Variants in PTOV1 observed in about 807,000 individuals in gnomAD.
PTOV1 encodes prostate tumor-overexpressed gene 1 protein.
PTOV1 carries 20 observed loss-of-function variants against 58.0 expected under a neutral mutation model. The ratio of observed to expected loss-of-function variants is 0.34; its 90% CI spans 0.24 to 0.50. The LOEUF is 0.50. Ranked by LOEUF, PTOV1 falls within the 20% of genes least tolerant of loss-of-function variation. The probability of loss-of-function intolerance (pLI) is 0.98; values close to 1 mark genes in which losing one functional copy is unlikely to be tolerated. For synonymous variants in PTOV1, 335 were observed against 234.2 expected, an observed-to-expected ratio of 1.43 and a Z score of -3.93; for missense variants, 593 against 565.4, an observed-to-expected ratio of 1.05 and a Z score of -0.50.
At chr19:49,853,507 A>G (rs1176768131) in intron 1 of PTOV1, among the ~76,000 whole-genome samples, 1 of 151,930 alleles carries the variant, frequency 6.6e-6, no homozygotes, top group Non-Finnish European at 1.5e-5. Context: ...AAAAAAAAAA[A>G]AAAAAAAATT....
chr19:49,860,523 C>A, exon 12 of PTOV1: 1 of 632,212 alleles, frequency 1.6e-6, no homozygotes, highest in Non-Finnish European at 2.7e-6. Flanking sequence ...GGTATCCAGG[C>A]CTGGGTGGGG....
chr19:49,858,587 C>T (rs750970218), exon 10 of PTOV1: 169 of 1,606,270 alleles, frequency 1.1e-4, no homozygotes, highest in Admixed American at 4.1e-4. Flanking sequence ...CGCGCCTGGT[C>T]CAGTTCCACT....
At chr19:49,851,704 GT>G in intron 1 of PTOV1, 1 of 1,147,748 alleles carries the variant, frequency 8.7e-7, no homozygotes, top group Non-Finnish European at 1.1e-6. Context: ...TCGGGCCGGG[GT>G]GGGGGGTTGG....
chr19:49,850,971 C>T (rs1332255226), upstream of PTOV1: 5 of 1,535,446 alleles, frequency 3.3e-6, no homozygotes, highest in Admixed American at 2.0e-5. Flanking sequence ...GGCTCCCGTT[C>T]CCGCCACGCC....
At chr19:49,850,905 C>A, upstream of PTOV1, 1 of 1,535,932 alleles carries the variant, frequency 6.5e-7, no homozygotes, top group South Asian at 1.2e-5. Context: ...CGTCCCGACC[C>A]CCGCAAGGGG....
At chr19:49,857,532 T>G (rs2074529680) in intron 6 of PTOV1, 161 bp from the exon 7 acceptor site, 1 of 698,110 alleles carries the variant, frequency 1.4e-6, no homozygotes, top group South Asian at 1.8e-5. Context: ...TGGGGGGCTG[T>G]GAGCAGATGA....
chr19:49,850,902 AC>A, upstream of PTOV1: 1 of 1,534,426 alleles, frequency 6.5e-7, no homozygotes, highest in Non-Finnish European at 8.7e-7. Flanking sequence ...CGCCGTCCCG[AC>A]CCCCGCAAGG....
chr19:49,851,903 C>G, intron 1 of PTOV1: 1 of 984,278 alleles, frequency 1.0e-6, no homozygotes, highest in Non-Finnish European at 1.2e-6. Context: ...GGGGCCCGCG[C>G]TTTGTACCAG....
At chr19:49,852,028 C>T (rs1445971765) in intron 1 of PTOV1, 7 of 985,362 alleles carry the variant, frequency 7.1e-6, no homozygotes, top group East Asian at 1.1e-4. Flanking sequence ...GATGGACTGC[C>T]GTGAGCCCAG....
At chr19:49,856,055 A>G (rs955439684) in intron 5 of PTOV1, 10 of 152,228 alleles carry the variant, frequency 6.6e-5, no homozygotes, top group African/African-American at 1.7e-4. Context: ...GCTGCCGTTG[A>G]GCGCCCTGGG....
At chr19:49,856,670 C>A in intron 5 of PTOV1, 1 of 393,746 alleles carries the variant, frequency 2.5e-6, no homozygotes, top group Non-Finnish European at 4.7e-6. Context: ...CAAGTCACCC[C>A]ATCAGGCAGT....
intron 5 of PTOV1, among the ~76,000 whole-genome samples, chr19:49,855,857 G>C (rs1396534253): frequency 6.6e-6 from 1 of 152,120 alleles, no homozygotes; most frequent in East Asian, 1.9e-4. Context: ...CCCAGCTGGT[G>C]AGGCTGTTCA....
At position 49,860,210 on chromosome 19, in the gene PTOV1, T is replaced by C. The variant is rs753722343; in HGVS notation, c.1239+27T>C. On this transcript the variant is annotated intron_variant, in intron 11 of 11. Transcript: ENST00000391842. ...TGAGGTGGCCGGCCTCCAGGGCTGC[T>C]CAGTCTCCCTCCACCCCCGCTGCCT... 2.5e-6 allele frequency: 4 copies of C among 1,613,868 alleles called. No individual in the cohort carries two copies. The South Asian group carries it at 4.4e-5, about 18-fold the overall frequency.
upstream of PTOV1, chr19:49,850,805 G>T (rs2074210208): frequency 6.6e-7 from 1 of 1,505,662 alleles, no homozygotes; most frequent in African/African-American, 1.4e-5. Flanking sequence ...TTGTCCCCAG[G>T]CCCATTATTC....
At chr19:49,860,143 T>C (rs1408178177) in exon 11 of PTOV1, 3 of 1,614,144 alleles carry the variant, frequency 1.9e-6, no homozygotes, top group Non-Finnish European at 2.5e-6. Context: ...CAGCAGCAGG[T>C]CCTGCAGCGG....
At chr19:49,851,053 C>T, upstream of PTOV1, 1 of 1,500,440 alleles carries the variant, frequency 6.7e-7, no homozygotes, top group Non-Finnish European at 8.9e-7. Flanking sequence ...CCGCCGAGCC[C>T]ACACTCCGCT....
chr19:49,856,918 T>C (rs907406431), intron 5 of PTOV1, 57 bp from the exon 6 acceptor site: 117 of 1,599,370 alleles, frequency 7.3e-5, no homozygotes, highest in Non-Finnish European at 9.5e-5. Context: ...TCCAGGGTGG[T>C]GGGGGCACAG....
chr19:49,851,766 T>TA (rs2074260248), intron 1 of PTOV1: 1 of 1,081,662 alleles, frequency 9.2e-7, no homozygotes, highest in Non-Finnish European at 1.1e-6. Context: ...CGGCCCGATT[T>TA]AAACGCGGGC....
intron 1 of PTOV1, chr19:49,852,859 T>C (rs1055573183): frequency 4.6e-5 from 7 of 152,232 alleles, no homozygotes; most frequent in Non-Finnish European, 7.3e-5. Flanking sequence ...ATGTTGTAAG[T>C]GTACCCTCAT....
Sources: gnomAD v4.1 joint callset for allele counts (sites outside exome capture counted in the v4.1 genomes callset) on GRCh38, gnomAD v4.1.1 for gene constraint, MANE v1.5 for transcripts, NCBI Gene and HGNC (gene_info 2026-07-23, HGNC 2026-07-21) for gene names.